The following CAPN7 variants were observed in gnomAD, a reference collection of about 807,000 sequenced individuals.
CAPN7 encodes the protein calpain 7.
Under a neutral mutation model 115.2 loss-of-function variants are expected in CAPN7, and 72 were observed. The ratio of observed to expected loss-of-function variants is 0.63; its 90% CI spans 0.52 to 0.76. The LOEUF (loss-of-function observed/expected upper bound fraction) is 0.76. CAPN7 is among the 30% of genes least tolerant of loss of function. CAPN7 has a pLI of 0.00. For synonymous variants in CAPN7, 344 were observed against 322.3 expected, an observed-to-expected ratio of 1.07 and a Z score of -0.72; for missense variants, 905 against 971.5, an observed-to-expected ratio of 0.93 and a Z score of 0.91.
At chr3:15,222,736 C>T (rs890322668) in intron 5 of CAPN7, among the ~76,000 whole-genome samples, 4 of 152,202 alleles carry the variant, frequency 2.6e-5, no homozygotes, top group Non-Finnish European at 5.9e-5. Context: ...TAACAAAATG[C>T]AGCTATCCTT....
At chr3:15,234,239 G>A (rs1376888968) in intron 11 of CAPN7, among the ~76,000 whole-genome samples, 1 of 152,092 alleles carries the variant, frequency 6.6e-6, no homozygotes, top group South Asian at 2.1e-4. Flanking sequence ...TCGCTTGAAC[G>A]CAGGAGGCAG....
chr3:15,232,698 T>G, intron 10 of CAPN7, 33 bp downstream of exon 10: 1 of 1,555,312 alleles, frequency 6.4e-7, no homozygotes, highest in Non-Finnish European at 8.7e-7. Context: ...CAGACACAGA[T>G]TTAAGCTATC....
chr3:15,251,305 G>A lies in CAPN7; in HGVS notation c.*45G>A. On this transcript the variant is annotated 3_prime_UTR_variant, in exon 21 of 21. Coordinates refer to ENST00000253693, the MANE Select transcript of CAPN7 (RefSeq NM_014296.3). ...TGGCTTTTATACTTACCAAACATCA[G>A]TTCTTCAAATAAGGACGCAAATCTT... is the stretch of plus-strand genomic sequence containing the variant. 1 of 1,488,756 alleles carries A rather than the reference G, an allele frequency of 6.7e-7. No individual in the cohort carries two copies. The highest frequency in any genetic ancestry group is 1.3e-5 in the South Asian group (1 of 77,650). 92.2% of individuals were successfully genotyped at this position (1,488,756 alleles called of 1,614,324 possible). A position where few individuals can be genotyped will look rare whatever the true frequency, so the allele number is the denominator to read the frequency against.
At chr3:15,215,699 A>T (rs1160036496) in intron 2 of CAPN7, among the ~76,000 whole-genome samples, 1 of 152,138 alleles carries the variant, frequency 6.6e-6, no homozygotes, top group Non-Finnish European at 1.5e-5. Flanking sequence ...GTAATATTTC[A>T]TTGTATTGAT....
chr3:15,216,382 T>C (rs1185934180), intron 2 of CAPN7, among the ~76,000 whole-genome samples: 4 of 152,216 alleles, frequency 2.6e-5, no homozygotes, highest in African/African-American at 9.7e-5. Flanking sequence ...TTTTGATGGC[T>C]AACGTTCAGC....
chr3:15,213,114 C>A (rs1293231758), intron 2 of CAPN7, among the ~76,000 whole-genome samples: 1 of 152,176 alleles, frequency 6.6e-6, no homozygotes, highest in Admixed American at 6.5e-5. Context: ...AGTATTGATT[C>A]ATGTATTCAA....
chr3:15,212,239 ACT>A (rs1165429230), intron 2 of CAPN7, 27 bp downstream of exon 2: 1 of 1,297,696 alleles, frequency 7.7e-7, no homozygotes, highest in East Asian at 2.4e-5. Context: ...TAAACTTGTC[ACT>A]CTATTTTTTC....
At chr3:15,240,069 A>G (rs1695248654) in intron 12 of CAPN7, among the ~76,000 whole-genome samples, 1 of 152,228 alleles carries the variant, frequency 6.6e-6, no homozygotes, top group Non-Finnish European at 1.5e-5. Context: ...AAGGCAGAAA[A>G]TACTTCATGC....
chr3:15,218,354 G>A, intron 3 of CAPN7, 119 bp from the exon 4 acceptor site: 1 of 683,078 alleles, frequency 1.5e-6, no homozygotes, highest in Non-Finnish European at 2.5e-6. Context: ...TGTCATCTTT[G>A]TTTGTTCTCA....
At position 15,216,210 on chromosome 3, in the gene CAPN7, A is replaced by G. The variant is rs114410199; in HGVS notation, c.212-1215A>G. Among the ~76,000 whole-genome samples, 1,443 of 152,352 alleles carry G rather than the reference A, an allele frequency of 9.5e-3. 29 individuals carry two copies. The highest frequency in any genetic ancestry group is 0.032 in the African/African-American group (1,338 of 41,578). ...AGCTCCATGTTTAACTTTTTGAGGA[A>G]CTGCCAAATTGTTTTCCAGAGTGGC... On this transcript the variant is annotated intron_variant, in intron 2 of 20. Coordinates refer to ENST00000253693, the MANE Select transcript of CAPN7 (RefSeq NM_014296.3).
In CAPN7 at chr3:15,251,257, G is replaced by A. The variant is rs766514369; in HGVS notation, c.2439G>A (p.Gln813=). ...TCCCCATCAAGATCACACAACTTCAGTGATGGAGAAATCTCAAGTTACTGG... is the reference window on the plus strand; with the variant it reads ...TCCCCATCAAGATCACACAACTTCAATGATGGAGAAATCTCAAGTTACTGG... ...SIIPIKITQL[Q] The change falls in exon 21 of 21, where the codon CAG becomes CAA. Residue 813 remains glutamine (Q), a synonymous_variant. Transcript: ENST00000253693. The A allele has an allele frequency of 3.8e-6, 6 of 1,580,650 alleles. No homozygotes were observed. Among genetic ancestry groups the A allele is most frequent in the Non-Finnish European group, 5.1e-6 (6 of 1,170,580 alleles).
intron 1 of CAPN7, among the ~76,000 whole-genome samples, chr3:15,206,818 TC>T (rs1264698848): frequency 2.0e-5 from 3 of 152,218 alleles, no homozygotes; most frequent in African/African-American, 7.2e-5. Context: ...CCGCCGCTCC[TC>T]CACCTGTAGT....
At chr3:15,248,197 A>AAT (rs1559413779) in intron 19 of CAPN7, among the ~76,000 whole-genome samples, 1 of 151,970 alleles carries the variant, frequency 6.6e-6, no homozygotes, top group Non-Finnish European at 1.5e-5. Flanking sequence ...TAAATAAATA[A>AAT]AAATAAAAAA....
Position 15,241,618 on chromosome 3 carries a change from A to G in CAPN7, c.1788+30A>G. 2.5e-6 allele frequency: 4 copies of G among 1,594,108 alleles called. No homozygotes were observed. The African/African-American group carries it at 4.0e-5, about 16-fold the overall frequency. On this transcript the variant is annotated intron_variant, in intron 15 of 20. Transcript: ENST00000253693. The stretch of plus-strand genomic sequence containing the variant: ...TGATACCCTTCTAATGATATCCCAT[A>G]CAGAAATTTTTTTAATATAGTTAGA...
Position 15,229,034 on chromosome 3 carries a change from C to T in CAPN7, c.913C>T (p.Arg305Cys), listed in dbSNP as rs1299158274. The T allele has an allele frequency of 2.5e-6, 4 of 1,612,726 alleles. No individual in the cohort carries two copies. Among genetic ancestry groups the T allele is most frequent in the South Asian group, 2.2e-5 (2 of 90,920 alleles). Residue 305 changes from arginine (R) to cysteine (C), a missense_variant, in exon 8 of 21, where the codon CGT (arginine) becomes TGT (cysteine). By Grantham distance (180) the Arg-to-Cys change is radical. Transcript: ENST00000253693. ...GGCCATCAGTGCAGCTTATGAAAGA[C>T]GTTTTAATAAGAAGTTAATTACCGG... ...SLAISAAYER[R>C]FNKKLITGII...
At chr3:15,215,079 A>G (rs570164583) in intron 2 of CAPN7, among the ~76,000 whole-genome samples, 14 of 152,344 alleles carry the variant, frequency 9.2e-5, no homozygotes, top group East Asian at 3.9e-4. Context: ...TTTTTCATCA[A>G]TGGAATTAGT....
chr3:15,206,618 T>G, intron 1 of CAPN7, 21 bp downstream of exon 1: 1 of 1,520,920 alleles, frequency 6.6e-7, no homozygotes, highest in Non-Finnish European at 8.9e-7. Flanking sequence ...GCCCGGCGCT[T>G]CGGTCGGAGT....
At position 15,245,687 on chromosome 3, in the gene CAPN7, A is replaced by T; in HGVS notation, c.2010+16A>T. 1 of 1,608,298 alleles carries T rather than the reference A, an allele frequency of 6.2e-7. No homozygotes were observed. The highest frequency in any genetic ancestry group is 8.5e-7 in the Non-Finnish European group (1 of 1,177,232). On this transcript the variant is annotated intron_variant, in intron 17 of 20. Coordinates refer to ENST00000253693, the MANE Select transcript of CAPN7 (RefSeq NM_014296.3). ...CACGGTTCGGGTAAGTAAAACCAAC[A>T]CACAATGACAAAACACAGTAATATA... is the stretch of plus-strand genomic sequence containing the variant.
At chr3:15,219,645 C>T (rs1693845818) in intron 4 of CAPN7, among the ~76,000 whole-genome samples, 1 of 152,158 alleles carries the variant, frequency 6.6e-6, no homozygotes, top group Non-Finnish European at 1.5e-5. Flanking sequence ...TCTTTTGAAA[C>T]TTATGGATCC....
Sources: gnomAD v4.1 joint callset for allele counts (sites outside exome capture counted in the v4.1 genomes callset) on GRCh38, gnomAD v4.1.1 for gene constraint, MANE v1.5 for transcripts, NCBI Gene and HGNC (gene_info 2026-07-23, HGNC 2026-07-21) for gene names.